Variants in GCC2 observed in about 807,000 individuals in gnomAD.
The protein encoded by GCC2 is GRIP and coiled-coil domain containing 2, also known as GRIP and coiled-coil domain-containing protein 2.
Under a neutral mutation model 210.6 loss-of-function variants are expected in GCC2, and 120 were observed. The ratio of observed to expected loss-of-function variants is 0.57; its 90% CI spans 0.49 to 0.66. The LOEUF is 0.66. Ranked by LOEUF, GCC2 falls within the 30% of genes least tolerant of loss-of-function variation. The probability of loss-of-function intolerance (pLI) is 0.00; values close to 1 mark genes in which losing one functional copy is unlikely to be tolerated. For missense variants in GCC2, 1,868 were observed against 1,871.9 expected (o/e 1.00, Z 0.04); for synonymous variants, 703 against 652.7 (o/e 1.08, Z -1.17).
chr2:108,477,719 C>T (rs946020954), intron 9 of GCC2, among the ~76,000 whole-genome samples: 3 of 152,176 alleles, frequency 2.0e-5, no homozygotes, highest in African/African-American at 7.2e-5. Flanking sequence ...CTTTAACTGA[C>T]TTCTGCATAC....
In GCC2 at chr2:108,472,072, C is replaced by A; in HGVS notation, c.2743C>A (p.Gln915Lys). The A allele has an allele frequency of 6.4e-7, 1 of 1,569,936 alleles. No homozygotes were observed. The highest frequency in any genetic ancestry group is 2.1e-5 in the Admixed American group (1 of 47,174). ...TGAAAACCTAAAGCCACTACTAGAA[C>A]AAAAAGAATTACGAGATAGGAGAGC... ...EHENLKPLLE[Q>K]KELRDRRAEL... The change falls in exon 6 of 23, where the codon CAA (glutamine) becomes AAA (lysine). Residue 915 changes from glutamine (Q) to lysine (K), a missense_variant. Gln to Lys is a moderately conservative substitution (Grantham distance 53). Coordinates refer to ENST00000309863, the MANE Select transcript of GCC2 (RefSeq NM_181453.4).
Position 108,471,500 on chromosome 2 carries a change from T to C in GCC2, c.2171T>C (p.Ile724Thr), listed in dbSNP as rs372319248. ...QKEDVILKEH[I>T]TQLEKKLQLM... ...GAAGATGTTATCCTTAAAGAACATA[T>C]TACTCAATTAGAAAAGAAACTTCAG... The change falls in exon 6 of 23, where the codon ATT becomes ACT. Residue 724 changes from isoleucine (I) to threonine (T), a missense_variant. Transcript: ENST00000309863. 9.9e-6 allele frequency: 16 copies of C among 1,608,188 alleles called. No homozygotes were observed. Among genetic ancestry groups the C allele is most frequent in the Non-Finnish European group, 1.4e-5 (16 of 1,177,964 alleles).
Position 108,497,049 on chromosome 2 carries a change from C to G in GCC2, c.4722C>G (p.His1574Gln), listed in dbSNP as rs762541556. ...GTTCCACCACAAAAAGTGCAGATCA[C>G]TTAAACGGCCTGCTTCGGGAAACAG... is the stretch of plus-strand genomic sequence containing the variant. ...KLSSTTKSAD[H>Q]LNGLLRETEA... Residue 1574 changes from histidine to glutamine, a missense_variant, in exon 21 of 23, where the codon CAC (histidine) becomes CAG (glutamine). Physicochemically the swap from His to Gln is conservative, Grantham distance 24. Coordinates refer to ENST00000309863, the MANE Select transcript of GCC2 (RefSeq NM_181453.4). The G allele has an allele frequency of 6.2e-7, 1 of 1,612,012 alleles. No individual in the cohort carries two copies. The highest frequency in any genetic ancestry group is 1.1e-5 in the South Asian group (1 of 90,992).
intron 21 of GCC2, among the ~76,000 whole-genome samples, chr2:108,497,738 G>T (rs1038517795): frequency 1.3e-5 from 2 of 152,140 alleles, no homozygotes; most frequent in African/African-American, 4.8e-5. Flanking sequence ...CTCAAATGAG[G>T]TATTTCCACC....
Position 108,484,145 on chromosome 2 carries a change from G to C in GCC2, c.3451-4G>C, listed in dbSNP as rs374634148. On this transcript the variant is annotated splice_region_variant and splice_polypyrimidine_tract_variant and intron_variant, in intron 12 of 22. Transcript: ENST00000309863. ...TGTAAATCTTTTACTTATAAAATGT[G>C]CAGGATGCCCAACAAACCACATTGA... 1.9e-5 allele frequency: 30 copies of C among 1,562,580 alleles called. No individual in the cohort carries two copies. The highest frequency in any genetic ancestry group is 2.6e-5 in the Non-Finnish European group (30 of 1,159,296).
At position 108,471,306 on chromosome 2, in the gene GCC2, G is replaced by A; in HGVS notation, c.1977G>A (p.Lys659=). ...TGGLEETLKE[K]DQNDQKLEKL... ...GACTAGAGGAGACTTTAAAAGAAAA[G>A]GATCAAAATGACCAAAAACTAGAAA... is the stretch of plus-strand genomic sequence containing the variant. The change falls in exon 6 of 23, where the codon AAG becomes AAA. Residue 659 remains lysine (K), a synonymous_variant. Transcript: ENST00000309863. 6.2e-7 allele frequency: 1 copy of A among 1,611,690 alleles called. No individual in the cohort carries two copies. The highest frequency in any genetic ancestry group is 8.5e-7 in the Non-Finnish European group (1 of 1,178,970).
chr2:108,478,947 C>G (rs923515693), intron 9 of GCC2, among the ~76,000 whole-genome samples: 1 of 152,178 alleles, frequency 6.6e-6, no homozygotes, highest in Admixed American at 6.5e-5. Flanking sequence ...GAAAAACATA[C>G]TTTGGGAGGC....
In GCC2 at chr2:108,452,411, A is replaced by G; in HGVS notation, c.161A>G (p.Glu54Gly). The G allele has an allele frequency of 6.6e-7, 1 of 1,524,410 alleles. No individual in the cohort carries two copies. Among genetic ancestry groups the G allele is most frequent in the Non-Finnish European group, 9.1e-7 (1 of 1,099,044 alleles). The allele number at this position is 1,524,410 out of a possible 1,614,324, so 94.4% of individuals were successfully genotyped here. ...AKSRCTELEK[E>G]IEELRSKPVT... is the part of the protein sequence containing the mutation. Reference sequence around the variant, plus strand: ...TTTAATTGTTTAGAATTGGAGAAAGAAATTGAAGAACTCAGATCAAAACCT... The same window carrying G: ...TTTAATTGTTTAGAATTGGAGAAAGGAATTGAAGAACTCAGATCAAAACCT... Residue 54 changes from glutamate (E) to glycine (G), a missense_variant, in exon 4 of 23, where the codon GAA (glutamate) becomes GGA (glycine). By Grantham distance (98) the Glu-to-Gly change is moderately conservative (BLOSUM62 -2). Coordinates refer to ENST00000309863, the MANE Select transcript of GCC2 (RefSeq NM_181453.4).
rs1376925926 is a variant in GCC2 at position 108,492,612 on chromosome 2, T to G, written c.4269T>G (p.Ser1423=). The change falls in exon 19 of 23, where the codon TCT becomes TCG. Residue 1423 remains serine (S), a synonymous_variant. Coordinates refer to ENST00000309863, the MANE Select transcript of GCC2 (RefSeq NM_181453.4). ...SIQSENMMMK[S]EHTQTVSQLT... ...AGTCAGAGAACATGATGATGAAATCTGAACATACACAGACTGTGAGTCAGC... is the reference window on the plus strand; with the variant it reads ...AGTCAGAGAACATGATGATGAAATCGGAACATACACAGACTGTGAGTCAGC... 6.2e-7 allele frequency: 1 copy of G among 1,613,646 alleles called. No homozygotes were observed. Among genetic ancestry groups the G allele is most frequent in the Non-Finnish European group, 8.5e-7 (1 of 1,179,522 alleles).
At chr2:108,469,555 T>C in intron 5 of GCC2, 96 bp from the exon 6 acceptor site, 1 of 787,230 alleles carries the variant, frequency 1.3e-6, no homozygotes, top group Non-Finnish European at 2.1e-6. Context: ...TCATTTACTT[T>C]TCTCTCTACT....
intron 9 of GCC2, among the ~76,000 whole-genome samples, chr2:108,480,450 T>G (rs1471398566): frequency 6.6e-6 from 1 of 152,208 alleles, no homozygotes; most frequent in African/African-American, 2.4e-5. Context: ...CACATGTACA[T>G]GTATGTTCTC....
At chr2:108,487,524 G>A (rs1211983494) in intron 16 of GCC2, among the ~76,000 whole-genome samples, 175 bp from the exon 17 acceptor site, 2 of 152,120 alleles carry the variant, frequency 1.3e-5, no homozygotes, top group East Asian at 3.8e-4. Context: ...AATTTTTTAA[G>A]TGTAAAGCCA....
At chr2:108,504,943 C>A (rs986318900) in intron 22 of GCC2, among the ~76,000 whole-genome samples, 14 of 152,256 alleles carry the variant, frequency 9.2e-5, no homozygotes, top group African/African-American at 3.4e-4. Context: ...CATCTCCAGA[C>A]TGGCAGGCAG....
chr2:108,482,226 T>G, intron 10 of GCC2, 61 bp from the exon 11 acceptor site: 1 of 964,724 alleles, frequency 1.0e-6, no homozygotes, highest in Non-Finnish European at 1.6e-6. Context: ...TACCTGTTCA[T>G]TCTTCCTCTG....
In GCC2 at chr2:108,469,648, T is replaced by C; in HGVS notation, c.322-3T>C. Reference sequence around the variant, plus strand: ...ATTTATGTGTGCTTATTTTTTGTAATAGGATTCTGTAACAAAGATGGGAGA... The same window carrying C: ...ATTTATGTGTGCTTATTTTTTGTAACAGGATTCTGTAACAAAGATGGGAGA... On this transcript the variant is annotated splice_region_variant and splice_polypyrimidine_tract_variant and intron_variant, in intron 5 of 22. Coordinates refer to ENST00000309863, the MANE Select transcript of GCC2 (RefSeq NM_181453.4). 2 of 1,566,466 alleles carry C rather than the reference T, an allele frequency of 1.3e-6. No homozygotes were observed. The highest frequency in any genetic ancestry group is 2.3e-5 in the East Asian group (1 of 44,336).
rs116378572 is a variant in GCC2, at chr2:108,473,882, G to A, written c.2860+983G>A. On this transcript the variant is annotated intron_variant, in intron 7 of 22. Transcript: ENST00000309863. ...TTAAAAGCCAGGAGAGGCCGAGTGC[G>A]GTGGCTCACGCCTATAATCCCAGCA... Among the ~76,000 whole-genome samples, 790 of 152,246 alleles carry A rather than the reference G, an allele frequency of 5.2e-3. 5 individuals are homozygous for A. Among genetic ancestry groups the A allele is most frequent in the African/African-American group, 0.017 (718 of 41,558 alleles).
rs1273683937 is a variant in GCC2 at position 108,481,815 on chromosome 2, A to C, written c.3179A>C (p.Gln1060Pro). ...LTRQLRNSTL[Q>P]CETINSDNED... ...AGACAATTAAGAAATTCGACTTTGC[A>C]GGTAATTTTTTAATAAATCCAAAAA... The change falls in exon 10 of 23, where the codon CAG (glutamine) becomes CCG (proline). Residue 1060 changes from glutamine to proline, a missense_variant and splice_region_variant. Physicochemically the swap from Gln to Pro is moderately conservative, Grantham distance 76. This residue lies in a region of GCC2 where 1,847 missense variants were observed against 1,765.2 expected (regional missense o/e 1.05). Coordinates refer to ENST00000309863, the MANE Select transcript of GCC2 (RefSeq NM_181453.4). 9.0e-6 allele frequency: 14 copies of C among 1,553,188 alleles called. No individual in the cohort carries two copies. The highest frequency in any genetic ancestry group is 1.4e-5 in the African/African-American group (1 of 71,940).
chr2:108,492,911 GATTA>G (rs1682476414), intron 19 of GCC2, 121 bp downstream of exon 19: 2 of 737,846 alleles, frequency 2.7e-6, no homozygotes, highest in Non-Finnish European at 4.6e-6. Context: ...TCAAATCTGT[GATTA>G]ATGAATTTTG....
At chr2:108,492,829 T>C in intron 19 of GCC2, 39 bp downstream of exon 19, 1 of 1,392,068 alleles carries the variant, frequency 7.2e-7, no homozygotes, top group Non-Finnish European at 1.0e-6. Context: ...TGTTCATGTT[T>C]TCATGCATTT....
Sources: allele counts gnomAD v4.1 joint callset (sites outside exome capture counted in the v4.1 genomes callset), GRCh38; gene constraint gnomAD v4.1.1; regional missense constraint gnomAD v4.1.1; transcripts MANE v1.5; gene names NCBI Gene and HGNC (gene_info 2026-07-23, HGNC 2026-07-21).